Variants in KIF1B observed in about 807,000 individuals in gnomAD.
KIF1B encodes kinesin-like protein KIF1B.
In KIF1B, 76 loss-of-function variants were observed where a neutral mutation model predicts 241.9. The observed-to-expected ratio is 0.31, with a 90% CI of 0.26 to 0.38. KIF1B has a LOEUF of 0.38. KIF1B is among the 10% of genes least tolerant of loss of function. The pLI, the probability that KIF1B is intolerant of heterozygous loss-of-function variation, is 1.00. For missense variants in KIF1B, 1,622 were observed against 2,271.4 expected, an observed-to-expected ratio of 0.71 and a Z score of 5.81; for synonymous variants, 750 against 796.7, an observed-to-expected ratio of 0.94 and a Z score of 0.99.
chr1:10,372,643 GCGCCAGCTTGGGTGACAGAGC>G (rs1638767549), intron 45 of KIF1B, among the ~76,000 whole-genome samples: 1 of 124,518 alleles, frequency 8.0e-6, no homozygotes, highest in African/African-American at 3.1e-5. Context: ...GCGCCGCTGC[GCGCCAGCTTGGGTGACAGAGC>G]TGTCACCCAA....
intron 27 of KIF1B, among the ~76,000 whole-genome samples, chr1:10,328,177 A>C (rs1353865248): frequency 6.6e-6 from 1 of 152,154 alleles, no homozygotes; most frequent in Non-Finnish European, 1.5e-5. Context: ...GGACAGAGCA[A>C]GACCCCAAGT....
intron 27 of KIF1B, among the ~76,000 whole-genome samples, chr1:10,329,545 C>A (rs1016339423): frequency 3.9e-5 from 6 of 152,110 alleles, no homozygotes; most frequent in African/African-American, 1.4e-4. Flanking sequence ...CCAGCCTGGC[C>A]AACATGGTGA....
chr1:10,373,432 G>A (rs1236812832), intron 45 of KIF1B, among the ~76,000 whole-genome samples: 5 of 147,850 alleles, frequency 3.4e-5, no homozygotes, highest in Non-Finnish European at 7.4e-5. Flanking sequence ...ACGGGGTTTC[G>A]CCATGTTGGT....
intron 34 of KIF1B, chr1:10,345,616 G>A (rs1652559911): frequency 1.9e-6 from 1 of 522,906 alleles, no homozygotes; most frequent in South Asian, 2.1e-5. Context: ...ACAGTTTGTT[G>A]AGAAAAAAGA....
intron 34 of KIF1B, 110 bp from the exon 35 acceptor site, chr1:10,345,735 C>G (rs756942673): frequency 1.3e-4 from 104 of 784,678 alleles, no homozygotes; most frequent in Non-Finnish European, 1.1e-4. Context: ...TTTCCTCTGA[C>G]TCTTGCTGCC....
chr1:10,280,296 G>A (rs931733299), intron 14 of KIF1B, among the ~76,000 whole-genome samples: 3 of 151,648 alleles, frequency 2.0e-5, no homozygotes, highest in African/African-American at 7.3e-5. Flanking sequence ...GTTCAGTGGC[G>A]GAATCTCGGC....
chr1:10,369,800 C>T (rs1638676135), intron 44 of KIF1B, among the ~76,000 whole-genome samples: 1 of 151,426 alleles, frequency 6.6e-6, no homozygotes. Context: ...GATATGGTGG[C>T]GCATGCCTGT....
At chr1:10,375,793 T>G (rs79076436) in intron 48 of KIF1B, among the ~76,000 whole-genome samples, 7 of 129,306 alleles carry the variant, frequency 5.4e-5, no homozygotes, top group African/African-American at 2.1e-4. Context: ...CTTGTTTTTT[T>G]TTTTTTTTTT....
At chr1:10,367,030 C>A (rs972967970) in intron 43 of KIF1B, among the ~76,000 whole-genome samples, 1 of 152,038 alleles carries the variant, frequency 6.6e-6, no homozygotes, top group African/African-American at 2.4e-5. Flanking sequence ...TGAAGAGATA[C>A]ACTGAGGAAG....
chr1:10,258,375 T>C lies in KIF1B; in HGVS notation c.184-118T>C, dbSNP rs915085507. On this transcript the variant is annotated intron_variant, in intron 3 of 48. Coordinates refer to ENST00000676179, the MANE Select transcript of KIF1B (RefSeq NM_001365951.3). ...TTGTGTATAGGAGGCTTAAAAAATGTGTAGGGAATTTTAGGTGACTGTTCT... is the reference window on the plus strand; with the variant it reads ...TTGTGTATAGGAGGCTTAAAAAATGCGTAGGGAATTTTAGGTGACTGTTCT... 6.8e-6 allele frequency: 7 copies of C among 1,026,014 alleles called. No homozygotes were observed. In the African/African-American group the frequency reaches 8.1e-5, roughly 12 times the overall value. 63.6% of individuals were successfully genotyped at this position (1,026,014 alleles called of 1,614,324 possible). A position where few individuals can be genotyped will look rare whatever the true frequency, so the allele number is the denominator to read the frequency against.
intron 22 of KIF1B, chr1:10,308,358 G>T: frequency 9.5e-7 from 1 of 1,052,208 alleles, no homozygotes; most frequent in Non-Finnish European, 1.1e-6. Context: ...GATATTCTTA[G>T]CTTGAACCAC....
chr1:10,300,320 CAT>C (rs1650478898), intron 22 of KIF1B, among the ~76,000 whole-genome samples: 3 of 150,696 alleles, frequency 2.0e-5, no homozygotes, highest in Non-Finnish European at 4.4e-5. Flanking sequence ...ATTTATATCA[CAT>C]AAACTTTGCA....
chr1:10,280,414 T>A (rs978215890), intron 14 of KIF1B, among the ~76,000 whole-genome samples: 2 of 151,998 alleles, frequency 1.3e-5, no homozygotes, highest in African/African-American at 4.8e-5. Context: ...TTTTATATTT[T>A]TAATAGAGAT....
At chr1:10,224,703 C>T (rs905408769) in intron 1 of KIF1B, among the ~76,000 whole-genome samples, 13 of 151,856 alleles carry the variant, frequency 8.6e-5, no homozygotes, top group African/African-American at 2.7e-4. Context: ...GGATTATAGG[C>T]GTGAGGAACC....
intron 2 of KIF1B, among the ~76,000 whole-genome samples, chr1:10,235,886 A>G (rs1168387156): frequency 2.7e-5 from 4 of 148,678 alleles, no homozygotes; most frequent in Non-Finnish European, 6.0e-5. Flanking sequence ...AAAAAAAAGC[A>G]TAAATGAGAG....
In KIF1B at chr1:10,229,862, C is replaced by T. The variant is rs546664033; in HGVS notation, c.-79-2388C>T. Among the ~76,000 whole-genome samples the T allele has an allele frequency of 3.7e-4, 36 of 97,786 alleles. 2 individuals are homozygous for T. In the South Asian group the frequency reaches 0.011, roughly 29 times the overall value. 64.2% of individuals were successfully genotyped at this position (97,786 alleles called of 152,430 possible). ...CCTCCTGGGTGATGGAGTGAGACTC[C>T]GTCTCAAAAAAAAAAAAAAAAAAAA... On this transcript the variant is annotated intron_variant, in intron 1 of 48. Coordinates refer to ENST00000676179, the MANE Select transcript of KIF1B (RefSeq NM_001365951.3).
chr1:10,241,952 C>T (rs903488755), intron 2 of KIF1B, among the ~76,000 whole-genome samples: 3 of 152,108 alleles, frequency 2.0e-5, no homozygotes, highest in Non-Finnish European at 4.4e-5. Flanking sequence ...CTATGTCAGA[C>T]AAAGTGGGCA....
Position 10,321,764 on chromosome 1 carries a change from G to C in KIF1B, c.2265G>C (p.Lys755Asn), listed in dbSNP as rs757435187. 1 of 1,614,174 alleles carries C rather than the reference G, an allele frequency of 6.2e-7. No homozygotes were observed. Among genetic ancestry groups the C allele is most frequent in the East Asian group, 2.2e-5 (1 of 44,884 alleles). Residue 755 changes from lysine to asparagine, a missense_variant, in exon 24 of 49, where the codon AAG becomes AAC. Coordinates refer to ENST00000676179, the MANE Select transcript of KIF1B (RefSeq NM_001365951.3). ...ELAQWAFRKW[K>N]SHQFTSLRDL... ...CCCAATGGGCCTTCCGGAAATGGAA[G>C]TCTCATCAGTTTACTTCATTACGGG... is the stretch of plus-strand genomic sequence containing the variant.
intron 27 of KIF1B, among the ~76,000 whole-genome samples, chr1:10,327,501 C>CA (rs570948893): frequency 0.051 from 3,778 of 73,774 alleles, 161 homozygotes; most frequent in African/African-American, 0.13. Context: ...AACTCCGTCT[C>CA]AAAAAAAAAA....
Sources: gnomAD v4.1 joint callset for allele counts (sites outside exome capture counted in the v4.1 genomes callset) on GRCh38, gnomAD v4.1.1 for gene constraint, MANE v1.5 for transcripts, NCBI Gene and HGNC (gene_info 2026-07-23, HGNC 2026-07-21) for gene names.